The following UXT variants were observed in gnomAD, a reference collection of about 807,000 sequenced individuals.
The protein encoded by UXT is protein UXT.
For missense variants in UXT, 111 were observed against 132.7 expected, an observed-to-expected ratio of 0.84 and a Z score of 0.80; for synonymous variants, 54 against 52.8, an observed-to-expected ratio of 1.02 and a Z score of -0.10.
intron 1 of UXT, 150 bp downstream of exon 2, chrX:47,658,680 C>G: frequency 1.2e-6 from 1 of 842,155 alleles, no homozygotes; most frequent in Non-Finnish European, 1.6e-6. Context: ...AAACTGCACC[C>G]CGGATGTCGT....
chrX:47,653,538 CCT>C (rs1476306022), intron 4 of UXT, among the ~76,000 whole-genome samples: 1 of 111,714 alleles, frequency 9.0e-6, no homozygotes, highest in Non-Finnish European at 1.9e-5. Flanking sequence ...AACCTGGGCT[CCT>C]CTCTCTCACA....
intron 1 of UXT, 25 bp from the exon 3 acceptor site, chrX:47,657,888 G>A (rs977689028): frequency 9.2e-7 from 1 of 1,083,609 alleles, no homozygotes; most frequent in African/African-American, 1.9e-5. Context: ...GTACAATGGT[G>A]ACCAATAGGC....
Position 47,657,642 on chromosome X carries a change from G to A in UXT, c.217-3C>T. ...TATAACTCCGAGTGCTTAGCTTCCT[G>A]TGGGGCCAGGGAAAAAGAGGTAGGG... is the stretch of plus-strand genomic sequence containing the variant. On this transcript the variant is annotated splice_region_variant and splice_polypyrimidine_tract_variant and intron_variant, in intron 2 of 5. Coordinates refer to ENST00000335890, the MANE Select transcript of UXT (RefSeq NM_153477.3). 1 of 1,209,463 alleles carries A rather than the reference G, an allele frequency of 8.3e-7. No individual in the cohort carries two copies. Among genetic ancestry groups the A allele is most frequent in the East Asian group, 3.0e-5 (1 of 33,848 alleles).
At chrX:47,654,276 G>A (rs1407912726) in intron 4 of UXT, among the ~76,000 whole-genome samples, 2 of 104,997 alleles carry the variant, frequency 1.9e-5, no homozygotes, top group African/African-American at 7.0e-5. Flanking sequence ...GCGTGATCTC[G>A]GCTCACTGCA....
In UXT at chrX:47,658,977, G is replaced by A. The variant is rs999315711; in HGVS notation, c.-14C>T. On this transcript the variant is annotated 5_prime_UTR_variant, in exon 1 of 6. Transcript: ENST00000335890. Reference sequence around the variant, plus strand: ...GGGGAAGACCATGTTGACCGATCCAGTTTGGCCTCACACACAGTTCATCTC... The same window carrying A: ...GGGGAAGACCATGTTGACCGATCCAATTTGGCCTCACACACAGTTCATCTC... 8.3e-7 allele frequency: 1 copy of A among 1,210,757 alleles called. No homozygotes were observed. The highest frequency in any genetic ancestry group is 1.7e-5 in the African/African-American group (1 of 57,520).
At chrX:47,657,959 C>T in intron 1 of UXT, 96 bp from the exon 3 acceptor site, 1 of 735,987 alleles carries the variant, frequency 1.4e-6, no homozygotes, top group South Asian at 5.2e-5. Flanking sequence ...TGTCACCATA[C>T]ACTGAAAAGG....
chrX:47,652,916 C>G (rs1035271000), intron 4 of UXT, among the ~76,000 whole-genome samples: 1 of 112,142 alleles, frequency 8.9e-6, no homozygotes, highest in Non-Finnish European at 1.9e-5. Flanking sequence ...TGGATCAGAT[C>G]TCGCCCAAAA....
intron 4 of UXT, among the ~76,000 whole-genome samples, chrX:47,653,074 G>A (rs145309693): frequency 8.9e-6 from 1 of 111,857 alleles, no homozygotes; most frequent in African/African-American, 3.3e-5. Flanking sequence ...GAGAAGCAGT[G>A]AGGTCAGAGT....
At chrX:47,658,756 T>G in intron 1 of UXT, 74 bp downstream of exon 2, 1 of 1,073,919 alleles carries the variant, frequency 9.3e-7, no homozygotes. Context: ...ATTCAAAGGG[T>G]TGGCCCTAAC....
rs1268002202 is a variant in UXT, at chrX:47,651,830, G to T, written c.*12C>A. 1.7e-6 allele frequency: 2 copies of T among 1,207,735 alleles called. No individual in the cohort carries two copies. The highest frequency in any genetic ancestry group is 3.5e-5 in the African/African-American group (2 of 57,111). On this transcript the variant is annotated 3_prime_UTR_variant, in exon 6 of 6. Transcript: ENST00000335890. ...TTCAGGCTCTTTAATGTCTGAGGAT[G>T]GGGGGAAGAAGTCAATGGTGAGGCT...
intron 4 of UXT, among the ~76,000 whole-genome samples, chrX:47,653,284 A>G (rs1283947056): frequency 1.8e-5 from 2 of 112,291 alleles, no homozygotes; most frequent in Non-Finnish European, 3.8e-5. Flanking sequence ...AAATTGGAAA[A>G]AAAAGTAGTA....
chrX:47,658,955 G>A lies in UXT; in HGVS notation c.9C>T (p.Phe3=), dbSNP rs762203255. Residue 3 remains phenylalanine (F), a synonymous_variant, in exon 1 of 6, where the codon TTC becomes TTT. Coordinates refer to ENST00000335890, the MANE Select transcript of UXT (RefSeq NM_153477.3). Reference sequence around the variant, plus strand: ...TGGGCTCCTGGGGAGTGGGGAGGGGGAAGACCATGTTGACCGATCCAGTTT... The same window carrying A: ...TGGGCTCCTGGGGAGTGGGGAGGGGAAAGACCATGTTGACCGATCCAGTTT... The A allele has an allele frequency of 2.5e-6, 3 of 1,210,442 alleles. No homozygotes were observed. Among genetic ancestry groups the A allele is most frequent in the Non-Finnish European group, 2.2e-6 (2 of 894,532 alleles).
chrX:47,657,738 C>G (rs1175232759), intron 2 of UXT, 44 bp downstream of exon 3: 2 of 1,183,048 alleles, frequency 1.7e-6, no homozygotes, highest in Admixed American at 2.3e-5. Context: ...CCCTCCCTTG[C>G]CCACACATAC....
Position 47,658,696 on chromosome X carries a change from C to T in UXT, c.134+134G>A, listed in dbSNP as rs2058092255. ...AACTGCACCCCGGATGTCGTCCCCACTTCTCGCTCCAAGGAGCGCGGGGCC... is the reference window on the plus strand; with the variant it reads ...AACTGCACCCCGGATGTCGTCCCCATTTCTCGCTCCAAGGAGCGCGGGGCC... On this transcript the variant is annotated intron_variant, in intron 1 of 5. Transcript: ENST00000335890. The T allele has an allele frequency of 5.4e-6, 5 of 931,247 alleles. No individual in the cohort carries two copies. In the South Asian group the frequency reaches 1.4e-4, roughly 26 times the overall value. The allele number at this position is 931,247 out of a possible 1,213,427, so 76.7% of individuals were successfully genotyped here.
rs140251893 is a variant in UXT, at chrX:47,652,852, A to T, written c.393-708T>A. ...AGCCAAGGGAAGGTTGCAGCAGAGG[A>T]AGGAGGTTGAATTACATGAACCAGT... On this transcript the variant is annotated intron_variant, in intron 4 of 5. Coordinates refer to ENST00000335890, the MANE Select transcript of UXT (RefSeq NM_153477.3). 5.9e-3 allele frequency among the ~76,000 whole-genome samples: 660 copies of T among 112,061 alleles called. 11 individuals are homozygous for T. Among genetic ancestry groups the T allele is most frequent in the African/African-American group, 0.02 (631 of 30,803 alleles).
At position 47,659,104 on chromosome X, in the gene UXT, G is replaced by A; in HGVS notation, c.-141C>T. On this transcript the variant is annotated 5_prime_UTR_variant, in exon 1 of 6. Transcript: ENST00000335890. ...CCCGACCACCCAGGGACACCCAAGC[G>A]CGGCCTTTACCTCAGGCCGCCAGCA... The A allele has an allele frequency of 2.1e-6, 2 of 973,226 alleles. No homozygotes were observed. The highest frequency in any genetic ancestry group is 2.9e-6 in the Non-Finnish European group (2 of 698,571). The allele number at this position is 973,226 out of a possible 1,213,427, so 80.2% of individuals were successfully genotyped here. A position where few individuals can be genotyped will look rare whatever the true frequency, so the allele number is the denominator to read the frequency against.
chrX:47,658,901 C>T lies in UXT; in HGVS notation c.63G>A (p.Ala21=). The T allele has an allele frequency of 8.4e-7, 1 of 1,185,708 alleles. No homozygotes were observed. The highest frequency in any genetic ancestry group is 1.1e-6 in the Non-Finnish European group (1 of 880,628). ...GCACTTTCTCCCCCGTGGCCTCCAC[C>T]GCCCGCCGCTTAGGGGGCGTCGCCA... The change falls in exon 1 of 6, where the codon GCG becomes GCA. Residue 21 remains alanine, a synonymous_variant. Transcript: ENST00000335890.
At chrX:47,657,540 C>A (rs1479614302) in intron 3 of UXT, 32 bp downstream of exon 4, 1 of 1,195,698 alleles carries the variant, frequency 8.4e-7, no homozygotes, top group African/African-American at 1.8e-5. Flanking sequence ...AAGCTGAACC[C>A]TGTGGGCTCA....
Position 47,658,642 on chromosome X carries a change from C to T in UXT, c.134+188G>A, listed in dbSNP as rs190563663. ...CGGAGGCCGCGCATGCGCTGACACG[C>T]CCCTGCTATGAACGCCACGTCCCAG... On this transcript the variant is annotated intron_variant, in intron 1 of 5. Transcript: ENST00000335890. 1.4e-4 allele frequency among the ~76,000 whole-genome samples: 16 copies of T among 112,634 alleles called. 1 individual carries two copies. In the East Asian group the frequency reaches 4.2e-3, roughly 30 times the overall value.
Sources: allele counts gnomAD v4.1 joint callset (sites outside exome capture counted in the v4.1 genomes callset), GRCh38; gene constraint gnomAD v4.1.1; transcripts MANE v1.5; gene names NCBI Gene and HGNC (gene_info 2026-07-23, HGNC 2026-07-21).